DDX31: variants seen among roughly 807,000 people sequenced by gnomAD.
DDX31 encodes the protein ATP-dependent DNA helicase DDX31.
Under a neutral mutation model 91.3 loss-of-function variants are expected in DDX31, and 70 were observed. The ratio of observed to expected loss-of-function variants is 0.77; its 90% CI spans 0.63 to 0.94. DDX31 has a LOEUF of 0.94. DDX31 is among the 40% of genes least tolerant of loss of function. The probability of loss-of-function intolerance (pLI) is 0.00; values close to 1 mark genes in which losing one functional copy is unlikely to be tolerated. For missense variants in DDX31, 902 were observed against 925.0 expected (o/e 0.98, Z 0.32); for synonymous variants, 362 against 350.6 (o/e 1.03, Z -0.36).
chr9:132,601,477 G>C (rs1393662907), intron 19 of DDX31, among the ~76,000 whole-genome samples: 2 of 152,206 alleles, frequency 1.3e-5, no homozygotes, highest in African/African-American at 4.8e-5. Flanking sequence ...CATCATGATT[G>C]AAGTGAGGAC....
At chr9:132,647,511 G>A (rs368112064) in intron 11 of DDX31, among the ~76,000 whole-genome samples, 306 of 152,232 alleles carry the variant, frequency 2.0e-3, no homozygotes, top group African/African-American at 6.7e-3. Flanking sequence ...TCCCTTCTTC[G>A]TGAATCATCC....
chr9:132,597,517 T>C (rs1488236364), intron 19 of DDX31, among the ~76,000 whole-genome samples: 1 of 152,160 alleles, frequency 6.6e-6, no homozygotes, highest in Non-Finnish European at 1.5e-5. Flanking sequence ...AAAATTTCAG[T>C]CAAAATATGC....
chr9:132,632,136 C>T lies in DDX31; in HGVS notation c.1441-45G>A, dbSNP rs768836621. 1.5e-5 allele frequency: 24 copies of T among 1,572,432 alleles called. No individual in the cohort carries two copies. The South Asian group carries it at 2.5e-4, about 17-fold the overall frequency. ...ATGGTTTAACACTGAGTTTCTGAAC[C>T]TTTCTGGGGTCCTGGATATGTTTGA... On this transcript the variant is annotated intron_variant, in intron 14 of 19. Transcript: ENST00000372159.
chr9:132,669,723 C>T, intron 1 of DDX31, 137 bp downstream of exon 1: 10 of 1,531,812 alleles, frequency 6.5e-6, no homozygotes, highest in Non-Finnish European at 8.7e-6. Flanking sequence ...CAACTTGTCC[C>T]GAAGCTGCCC....
chr9:132,665,438 G>A (rs908519211), intron 1 of DDX31, among the ~76,000 whole-genome samples: 6 of 152,172 alleles, frequency 3.9e-5, no homozygotes, highest in African/African-American at 1.4e-4. Flanking sequence ...TGGTGCTACA[G>A]AAGAGGTACA....
At chr9:132,628,281 C>T (rs901899261) in intron 16 of DDX31, among the ~76,000 whole-genome samples, 1 of 152,198 alleles carries the variant, frequency 6.6e-6, no homozygotes, top group Admixed American at 6.5e-5. Context: ...TCCCTCCTCA[C>T]GCAAATGCTC....
intron 14 of DDX31, among the ~76,000 whole-genome samples, chr9:132,639,328 G>A (rs1833339973): frequency 6.6e-6 from 1 of 152,010 alleles, no homozygotes; most frequent in Admixed American, 6.6e-5. Flanking sequence ...ACCCCACCCA[G>A]CTCTTCTCCA....
At chr9:132,628,260 T>G (rs1231668557) in intron 16 of DDX31, among the ~76,000 whole-genome samples, 3 of 152,204 alleles carry the variant, frequency 2.0e-5, no homozygotes, top group Non-Finnish European at 2.9e-5. Context: ...GTGGGGCTCA[T>G]GCAAGGACCC....
At chr9:132,601,153 G>A (rs192199145) in intron 19 of DDX31, among the ~76,000 whole-genome samples, 1 of 152,288 alleles carries the variant, frequency 6.6e-6, no homozygotes, top group Admixed American at 6.5e-5. Context: ...GTTTGACACT[G>A]TGGGTGAACT....
intron 16 of DDX31, among the ~76,000 whole-genome samples, chr9:132,629,680 T>G (rs560782356): frequency 6.6e-6 from 1 of 152,338 alleles, no homozygotes; most frequent in South Asian, 2.1e-4. Flanking sequence ...CTATCCCATT[T>G]ACAGCGAGCT....
At chr9:132,601,101 C>A (rs1001282795) in intron 19 of DDX31, among the ~76,000 whole-genome samples, 1 of 152,162 alleles carries the variant, frequency 6.6e-6, no homozygotes, top group African/African-American at 2.4e-5. Flanking sequence ...GAGGCAGAAT[C>A]CCAGCCCCAC....
chr9:132,662,386 A>C, intron 2 of DDX31, 50 bp from the exon 3 acceptor site: 1 of 1,613,978 alleles, frequency 6.2e-7, no homozygotes, highest in Non-Finnish European at 8.5e-7. Flanking sequence ...ATTAACAAAG[A>C]AAAGGCAGAA....
chr9:132,620,100 C>T lies in DDX31; in HGVS notation c.1714-1659G>A, dbSNP rs141071981. Among the ~76,000 whole-genome samples the T allele has an allele frequency of 9.7e-3, 1,476 of 152,154 alleles. 10 individuals are homozygous for T. Among genetic ancestry groups the T allele is most frequent in the Middle Eastern group, 0.014 (4 of 294 alleles). On this transcript the variant is annotated intron_variant, in intron 17 of 19. Transcript: ENST00000372159. Reference sequence around the variant, plus strand: ...GGACCGAATAAGCACAAAAATCCCTCTAGAGTGTTAAATAAACAGAGCTCC... The same window carrying T: ...GGACCGAATAAGCACAAAAATCCCTTTAGAGTGTTAAATAAACAGAGCTCC...
intron 10 of DDX31, 59 bp downstream of exon 10, chr9:132,648,373 C>T: frequency 1.2e-6 from 2 of 1,605,538 alleles, no homozygotes; most frequent in Non-Finnish European, 8.5e-7. Context: ...GAAGTTGCAA[C>T]AAGGAGAGGA....
intron 4 of DDX31, 21 bp from the exon 5 acceptor site, chr9:132,659,801 A>C: frequency 6.2e-7 from 1 of 1,610,328 alleles, no homozygotes. Context: ...CGAAAAAAAG[A>C]ACACACTTTA....
intron 14 of DDX31, among the ~76,000 whole-genome samples, chr9:132,636,571 A>G (rs1590046083): frequency 2.0e-5 from 3 of 152,218 alleles, no homozygotes; most frequent in Non-Finnish European, 2.9e-5. Context: ...AACACAGCGC[A>G]ACAGTGAGTG....
In DDX31 at chr9:132,632,239, TGTACACACACACACACAC is replaced by T. The variant is rs879194145; in HGVS notation, c.1441-166_1441-149del. The T allele has an allele frequency of 5.3e-3, 283 of 53,464 alleles. 34 individuals carry two copies. The highest frequency in any genetic ancestry group is 0.039 in the South Asian group (129 of 3,350). 3.3% of individuals were successfully genotyped at this position (53,464 alleles called of 1,614,324 possible). A position where few individuals can be genotyped will look rare whatever the true frequency, so the allele number is the denominator to read the frequency against. On this transcript the variant is annotated intron_variant, in intron 14 of 19. Transcript: ENST00000372159. ...GGCATACACGTATATGCCCAGTACG[TGTACACACACACACACAC>T]ACACACACACACACACACACACACA...
At chr9:132,664,086 C>G (rs995071433) in intron 1 of DDX31, among the ~76,000 whole-genome samples, 2 of 152,202 alleles carry the variant, frequency 1.3e-5, no homozygotes, top group Non-Finnish European at 2.9e-5. Flanking sequence ...CATGAGGCAG[C>G]CCATTCTGTT....
chr9:132,622,453 G>C (rs528041232), intron 17 of DDX31, among the ~76,000 whole-genome samples: 2 of 152,336 alleles, frequency 1.3e-5, no homozygotes, highest in Admixed American at 6.5e-5. Flanking sequence ...AGAGTGGAGG[G>C]AGATGCAGCT....
Sources: gnomAD v4.1 joint callset for allele counts (sites outside exome capture counted in the v4.1 genomes callset) on GRCh38, gnomAD v4.1.1 for gene constraint, MANE v1.5 for transcripts, NCBI Gene and HGNC (gene_info 2026-07-23, HGNC 2026-07-21) for gene names.